Variants in PIEZO1 observed in about 807,000 individuals in gnomAD.
The protein encoded by PIEZO1 is piezo-type mechanosensitive ion channel component 1.
In PIEZO1, 296 loss-of-function variants were observed where a neutral mutation model predicts 297.2. The observed-to-expected ratio is 1.00, with a 90% CI of 0.91 to 1.10. PIEZO1 has a LOEUF of 1.10. Ranked by LOEUF, PIEZO1 falls within the 50% of genes least tolerant of loss-of-function variation. The pLI is 0.00. For missense variants in PIEZO1, 5,018 were observed against 3,455.5 expected, an observed-to-expected ratio of 1.45 and a Z score of -11.34; for synonymous variants, 2,427 against 1,507.5, an observed-to-expected ratio of 1.61 and a Z score of -14.13.
Position 88,742,240 on chromosome 16 carries a change from C to G in PIEZO1, c.283+60G>C, listed in dbSNP as rs1329931572. On this transcript the variant is annotated intron_variant, in intron 3 of 50. Transcript: ENST00000301015. ...CCCCCCAGGAGACTCGGGGTCACTG[C>G]AGGGCCCTCTCCCTGACCCCCAGGA... 2.0e-6 allele frequency: 3 copies of G among 1,511,046 alleles called. No homozygotes were observed. The African/African-American group carries it at 4.1e-5, about 21-fold the overall frequency. The allele number at this position is 1,511,046 out of a possible 1,614,324, so 93.6% of individuals were successfully genotyped here.
chr16:88,726,663 G>GCGGGGCCAA lies in PIEZO1; in HGVS notation c.3700-21_3700-20insTTGGCCCCG. On this transcript the variant is annotated intron_variant, in intron 25 of 50. Transcript: ENST00000301015. ...CAGGAGCTGGGGGAGAGCAGGGTCA[G>GCGGGGCCAA]CGGGGCCAGCGGGGCCCCAGGGCGG... The GCGGGGCCAA allele has an allele frequency of 6.5e-7, 1 of 1,546,646 alleles. No individual in the cohort carries two copies. The highest frequency in any genetic ancestry group is 8.7e-7 in the Non-Finnish European group (1 of 1,144,514).
rs958201410 is a variant in PIEZO1 at position 88,722,001 on chromosome 16, C to A, written c.5021G>T (p.Arg1674Leu). The A allele has an allele frequency of 5.8e-6, 9 of 1,549,108 alleles. No homozygotes were observed. The highest frequency in any genetic ancestry group is 6.1e-6 in the Non-Finnish European group (7 of 1,146,720). The change falls in exon 37 of 51, where the codon CGG (arginine) becomes CTG (leucine). Residue 1674 changes from arginine to leucine, a missense_variant. By Grantham distance (102) the Arg-to-Leu change is moderately radical. Coordinates refer to ENST00000301015, the MANE Select transcript of PIEZO1 (RefSeq NM_001142864.4). ...LFAEGQGRAL[R>L]LLRAVYQCVA... ...ACACTGGTACACGGCCCGCAGCAGCCGCAGCGCCCGGCCCTGCCCCTCCGC... is the reference window on the plus strand; with the variant it reads ...ACACTGGTACACGGCCCGCAGCAGCAGCAGCGCCCGGCCCTGCCCCTCCGC...
At chr16:88,737,471 C>T (rs937769865) in intron 10 of PIEZO1, 88 bp downstream of exon 10, 28 of 894,678 alleles carry the variant, frequency 3.1e-5, no homozygotes, top group African/African-American at 6.8e-5. Flanking sequence ...CGCGAGCATG[C>T]GAGAGCGCCA....
At chr16:88,751,206 G>T (rs1176833773) in intron 1 of PIEZO1, among the ~76,000 whole-genome samples, 6 of 152,240 alleles carry the variant, frequency 3.9e-5, no homozygotes, top group African/African-American at 1.4e-4. Context: ...GAAAACGCAG[G>T]GCAAGTTAGA....
rs770017075 is a variant in PIEZO1, at chr16:88,717,045, G to A, written c.6638C>T (p.Thr2213Ile). The change falls in exon 45 of 51, where the codon ACC becomes ATC. Residue 2213 changes from threonine (T) to isoleucine (I), a missense_variant. Physicochemically the swap from Thr to Ile is moderately conservative, Grantham distance 89. Coordinates refer to ENST00000301015, the MANE Select transcript of PIEZO1 (RefSeq NM_001142864.4). ...VVNQPIDVTV[T>I]LKLGGYEPLF... Reference sequence around the variant, plus strand: ...CACCTCATAGCCGCCCAGCTTCAGGGTGACGGTGACATCGATGGGCTGGTT... The same window carrying A: ...CACCTCATAGCCGCCCAGCTTCAGGATGACGGTGACATCGATGGGCTGGTT... 2 of 1,550,756 alleles carry A rather than the reference G, an allele frequency of 1.3e-6. No homozygotes were observed. The highest frequency in any genetic ancestry group is 8.7e-7 in the Non-Finnish European group (1 of 1,147,004).
chr16:88,731,922 A>ATGCACTGTGTCTGGGGG lies in PIEZO1; in HGVS notation c.2992-13_2992-12insCCCCCAGACACAGTGCA. The ATGCACTGTGTCTGGGGG allele has an allele frequency of 2.7e-6, 1 of 374,958 alleles. No homozygotes were observed. Among genetic ancestry groups the ATGCACTGTGTCTGGGGG allele is most frequent in the Non-Finnish European group, 3.6e-6 (1 of 281,120 alleles). The allele number at this position is 374,958 out of a possible 1,614,324, so 23.2% of individuals were successfully genotyped here. On this transcript the variant is annotated splice_polypyrimidine_tract_variant and intron_variant, in intron 21 of 50. Coordinates refer to ENST00000301015, the MANE Select transcript of PIEZO1 (RefSeq NM_001142864.4). Reference sequence around the variant, plus strand: ...ATCAGGAAGCAGATCTGGGGAGGGGAGAGGGCGGGGTGTGGGGATGCACTG... The same window carrying ATGCACTGTGTCTGGGGG: ...ATCAGGAAGCAGATCTGGGGAGGGGATGCACTGTGTCTGGGGGGAGGGCGGGGTGTGGGGATGCACTG...
intron 1 of PIEZO1, among the ~76,000 whole-genome samples, chr16:88,754,257 G>A (rs996261229): frequency 2.0e-5 from 3 of 152,216 alleles, no homozygotes; most frequent in Non-Finnish European, 4.4e-5. Context: ...GCCCCTGGGT[G>A]TCCAAGGGCT....
At position 88,719,590 on chromosome 16, in the gene PIEZO1, C is replaced by T; in HGVS notation, c.6455G>A (p.Ser2152Asn). The change falls in exon 44 of 51, where the codon AGC (serine) becomes AAC (asparagine). Residue 2152 changes from serine to asparagine, a missense_variant. Transcript: ENST00000301015. ...IYANIFIIKC[S>N]RETEKKYPQP... ...CCCAGGCACCTTCTCTGTCTCTCGG[C>T]TGCATTTGATGATGAAGATGTTGGC... 1 of 1,551,032 alleles carries T rather than the reference C, an allele frequency of 6.4e-7. No individual in the cohort carries two copies. Among genetic ancestry groups the T allele is most frequent in the South Asian group, 1.2e-5 (1 of 84,072 alleles).
chr16:88,783,006 A>C (rs984027708), intron 1 of PIEZO1, among the ~76,000 whole-genome samples: 4 of 152,314 alleles, frequency 2.6e-5, no homozygotes, highest in African/African-American at 7.2e-5. Context: ...AAGAGACTTT[A>C]TTTGGGACCA....
chr16:88,723,071 C>G (rs1262727427), intron 33 of PIEZO1, 24 bp downstream of exon 33: 3 of 1,545,844 alleles, frequency 1.9e-6, no homozygotes, highest in Non-Finnish European at 2.6e-6. Flanking sequence ...AGACCTCCCA[C>G]TCCCCAGCCC....
intron 1 of PIEZO1, among the ~76,000 whole-genome samples, chr16:88,775,416 G>T (rs928930391): frequency 6.6e-6 from 1 of 152,236 alleles, no homozygotes; most frequent in Non-Finnish European, 1.5e-5. Context: ...TCATCTGAAT[G>T]AAATGCCTGC....
At chr16:88,768,544 G>A (rs146313004) in intron 1 of PIEZO1, among the ~76,000 whole-genome samples, 12 of 152,356 alleles carry the variant, frequency 7.9e-5, no homozygotes, top group East Asian at 3.9e-4. Context: ...ACAGCAGAGC[G>A]AGCAGCCGAA....
intron 2 of PIEZO1, chr16:88,743,939 C>G: frequency 3.4e-6 from 1 of 291,634 alleles, no homozygotes; most frequent in Non-Finnish European, 6.9e-6. Context: ...GAGGCTGCAG[C>G]CCCGACACGA....
chr16:88,716,444 C>G lies in PIEZO1; in HGVS notation c.6966G>C (p.Glu2322Asp). 6.5e-7 allele frequency: 1 copy of G among 1,549,806 alleles called. No individual in the cohort carries two copies. Among genetic ancestry groups the G allele is most frequent in the Non-Finnish European group, 8.7e-7 (1 of 1,146,690 alleles). ...TGGGGGCCAGGGCCAGCATGTGCTT[C>G]TCGTTGGCATACTCCACAGTGCCTC... ...AKGGTVEYAN[E>D]KHMLALAPNS... is the part of the protein sequence containing the mutation. Residue 2322 changes from glutamate (E) to aspartate (D), a missense_variant, in exon 48 of 51, where the codon GAG (glutamate) becomes GAC (aspartate). By Grantham distance (45) the Glu-to-Asp change is conservative. Coordinates refer to ENST00000301015, the MANE Select transcript of PIEZO1 (RefSeq NM_001142864.4).
Position 88,726,658 on chromosome 16 carries a change from G to A in PIEZO1, c.3700-15C>T. 6.5e-7 allele frequency: 1 copy of A among 1,545,176 alleles called. No individual in the cohort carries two copies. The highest frequency in any genetic ancestry group is 8.7e-7 in the Non-Finnish European group (1 of 1,143,680). On this transcript the variant is annotated splice_polypyrimidine_tract_variant and intron_variant, in intron 25 of 50. Coordinates refer to ENST00000301015, the MANE Select transcript of PIEZO1 (RefSeq NM_001142864.4). The stretch of plus-strand genomic sequence containing the variant: ...CAGGCCAGGAGCTGGGGGAGAGCAG[G>A]GTCAGCGGGGCCAGCGGGGCCCCAG...
intron 1 of PIEZO1, among the ~76,000 whole-genome samples, chr16:88,765,613 G>C (rs1907139387): frequency 6.6e-6 from 1 of 152,140 alleles, no homozygotes; most frequent in South Asian, 2.1e-4. Context: ...GGGCTGGACA[G>C]CAGCGCCTGG....
At chr16:88,737,486 G>T (rs1214030679) in intron 10 of PIEZO1, 73 bp downstream of exon 10, 3 of 1,067,956 alleles carry the variant, frequency 2.8e-6, no homozygotes, top group East Asian at 2.7e-5. Flanking sequence ...GCGCCAGGCG[G>T]CCACCAGGGG....
chr16:88,728,770 T>C (rs12935378), intron 22 of PIEZO1, among the ~76,000 whole-genome samples: 9 of 26,760 alleles, frequency 3.4e-4, no homozygotes, highest in Admixed American at 6.0e-4. Flanking sequence ...CATGCTGAAC[T>C]CACAGCCCCA....
rs779750903 is a variant in PIEZO1, at chr16:88,722,881, C to G, written c.4624G>C (p.Val1542Leu). The change falls in exon 34 of 51, where the codon GTG becomes CTG. Residue 1542 changes from valine (V) to leucine (L), a missense_variant. Physicochemically the swap from Val to Leu is conservative, Grantham distance 32. Transcript: ENST00000301015. ...FTRHHGTMSD[V>L]LRAERYLLTQ... ...AGGAGGTAGCGCTCTGCCCGCAGCA[C>G]GTCGCTCATGGTGCCGTGGTGCCGG... The G allele has an allele frequency of 2.6e-6, 4 of 1,548,650 alleles. No individual in the cohort carries two copies. In the Admixed American group the frequency reaches 7.8e-5, roughly 30 times the overall value.
Sources: gnomAD v4.1 joint callset for allele counts (sites outside exome capture counted in the v4.1 genomes callset) on GRCh38, gnomAD v4.1.1 for gene constraint, MANE v1.5 for transcripts, NCBI Gene and HGNC (gene_info 2026-07-23, HGNC 2026-07-21) for gene names.